Variants in CNTNAP2 observed in about 807,000 individuals in gnomAD.
CNTNAP2 encodes contactin associated protein 2, also known as contactin-associated protein-like 2.
CNTNAP2 carries 98 observed loss-of-function variants against 155.2 expected under a neutral mutation model. That is an observed-to-expected ratio of 0.63 (90% confidence interval 0.54 to 0.75). CNTNAP2 has a LOEUF of 0.75. CNTNAP2 is among the 30% of genes least tolerant of loss of function. The pLI is 0.00. For missense variants in CNTNAP2, 1,727 were observed against 1,688.1 expected (o/e 1.02, Z -0.40); for synonymous variants, 651 against 631.2 (o/e 1.03, Z -0.47).
chr7:146,557,687 C>A (rs908298565), intron 1 of CNTNAP2, among the ~76,000 whole-genome samples: 3 of 151,192 alleles, frequency 2.0e-5, no homozygotes, highest in Admixed American at 1.3e-4. Flanking sequence ...TTGCCAGTAC[C>A]CAGTGCTTCT....
intron 3 of CNTNAP2, among the ~76,000 whole-genome samples, chr7:146,892,631 C>T (rs1795803504): frequency 6.6e-6 from 1 of 152,154 alleles, no homozygotes. Flanking sequence ...TATATCTTAG[C>T]TGGGCGTGGT....
chr7:146,304,558 G>C (rs112135949), intron 1 of CNTNAP2, among the ~76,000 whole-genome samples: 12,991 of 151,986 alleles, frequency 0.085, 1,570 homozygotes, highest in African/African-American at 0.27. Context: ...TGAAATTCTG[G>C]GTTGGAAACT....
intron 1 of CNTNAP2, among the ~76,000 whole-genome samples, chr7:146,526,162 C>T (rs1169507903): frequency 6.6e-6 from 1 of 152,050 alleles, no homozygotes; most frequent in Non-Finnish European, 1.5e-5. Flanking sequence ...AGAAAACTAT[C>T]GCTAAAATTT....
intron 1 of CNTNAP2, among the ~76,000 whole-genome samples, chr7:146,691,208 A>G (rs6959062): frequency 0.049 from 7,430 of 152,150 alleles, 332 homozygotes; most frequent in East Asian, 0.11. Flanking sequence ...CATAATGATA[A>G]ATATAAAGCC....
At chr7:146,668,406 G>A (rs1352833952) in intron 1 of CNTNAP2, among the ~76,000 whole-genome samples, 6 of 150,438 alleles carry the variant, frequency 4.0e-5, no homozygotes, top group Non-Finnish European at 7.4e-5. Context: ...GTATTTGTCA[G>A]AGGTATTGGC....
chr7:147,310,288 AT>A (rs1392718973), intron 9 of CNTNAP2, among the ~76,000 whole-genome samples: 9 of 152,284 alleles, frequency 5.9e-5, no homozygotes, highest in African/African-American at 2.2e-4. Context: ...TCAAAGAAAA[AT>A]ATCATAAAAT....
At chr7:146,911,712 C>G (rs1352257007) in intron 3 of CNTNAP2, among the ~76,000 whole-genome samples, 6 of 151,566 alleles carry the variant, frequency 4.0e-5, no homozygotes, top group African/African-American at 1.5e-4. Context: ...GGCTAGATGA[C>G]AAGTTAGTGG....
In CNTNAP2 at chr7:146,733,495, T is replaced by A. The variant is rs997259274; in HGVS notation, c.98-40776T>A. On this transcript the variant is annotated intron_variant, in intron 1 of 23. Transcript: ENST00000361727. ...AAATTTTAAACCATGTTTTAAAAAA[T>A]CTAACTTTAGATTTTGAAATAACTC... Among the ~76,000 whole-genome samples, 43 of 152,134 alleles carry A rather than the reference T, an allele frequency of 2.8e-4. 1 individual carries two copies. Among genetic ancestry groups the A allele is most frequent in the Non-Finnish European group, 1.0e-4 (7 of 67,988 alleles).
At chr7:146,391,016 G>A (rs1044391400) in intron 1 of CNTNAP2, among the ~76,000 whole-genome samples, 2 of 134,446 alleles carry the variant, frequency 1.5e-5, no homozygotes, top group Admixed American at 8.1e-5. Flanking sequence ...ACAGTGAGCC[G>A]AGATCGCGCC....
At chr7:147,186,557 T>C (rs1802571366) in intron 8 of CNTNAP2, among the ~76,000 whole-genome samples, 1 of 152,230 alleles carries the variant, frequency 6.6e-6, no homozygotes, top group African/African-American at 2.4e-5. Flanking sequence ...GGACCCTTTA[T>C]AGAGGGAAGA....
In CNTNAP2 at chr7:147,522,792, A is replaced by C. The variant is rs1006694429; in HGVS notation, c.1777+36751A>C. Among the ~76,000 whole-genome samples the C allele has an allele frequency of 6.1e-4, 93 of 151,856 alleles. 1 individual carries two copies. Among genetic ancestry groups the C allele is most frequent in the African/African-American group, 2.0e-3 (82 of 41,522 alleles). On this transcript the variant is annotated intron_variant, in intron 11 of 23. Coordinates refer to ENST00000361727, the MANE Select transcript of CNTNAP2 (RefSeq NM_014141.6). Reference sequence around the variant, plus strand: ...GCAAAAAAAAAACAAAAAAACAAAAAAAAAAAAACCTACTAAAAAATAATA... The same window carrying C: ...GCAAAAAAAAAACAAAAAAACAAAACAAAAAAAACCTACTAAAAAATAATA...
intron 2 of CNTNAP2, among the ~76,000 whole-genome samples, chr7:146,830,307 TG>T (rs748966706): frequency 1.3e-5 from 2 of 151,930 alleles, no homozygotes; most frequent in Non-Finnish European, 2.9e-5. Flanking sequence ...CAATTTATTG[TG>T]GGGGAAAAGG....
At chr7:146,959,270 G>A (rs1049540333) in intron 3 of CNTNAP2, among the ~76,000 whole-genome samples, 1 of 151,928 alleles carries the variant, frequency 6.6e-6, no homozygotes, top group African/African-American at 2.4e-5. Context: ...TGTCCGCCTC[G>A]GCCTCCCAAA....
chr7:147,530,242 G>A (rs1455050766), intron 11 of CNTNAP2, among the ~76,000 whole-genome samples: 1 of 149,510 alleles, frequency 6.7e-6, no homozygotes, highest in African/African-American at 2.5e-5. Context: ...CTGGAGTGCA[G>A]TGGCACGATC....
At chr7:147,852,208 G>A (rs940174806) in intron 13 of CNTNAP2, among the ~76,000 whole-genome samples, 1 of 152,142 alleles carries the variant, frequency 6.6e-6, no homozygotes, top group Non-Finnish European at 1.5e-5. Flanking sequence ...CATCAAAGAA[G>A]ATCTCGCCGC....
At chr7:147,975,571 C>T (rs1563154607) in intron 14 of CNTNAP2, among the ~76,000 whole-genome samples, 2 of 152,084 alleles carry the variant, frequency 1.3e-5, no homozygotes, top group African/African-American at 2.4e-5. Flanking sequence ...AGCAGAGCAC[C>T]TTCTCTTCCT....
At chr7:147,738,789 G>T (rs1034821254) in intron 13 of CNTNAP2, among the ~76,000 whole-genome samples, 11 of 151,580 alleles carry the variant, frequency 7.3e-5, no homozygotes, top group Non-Finnish European at 1.0e-4. Flanking sequence ...TGAGTAGCTG[G>T]GATTACAGGC....
At chr7:147,316,509 T>C (rs2620449) in intron 9 of CNTNAP2, among the ~76,000 whole-genome samples, 74,633 of 151,946 alleles carry the variant, frequency 0.49, 19,493 homozygotes, top group East Asian at 0.73. Context: ...GTTTATAATG[T>C]GTGTTTATTA....
At chr7:148,261,718 G>A (rs1796565694) in intron 20 of CNTNAP2, among the ~76,000 whole-genome samples, 1 of 152,176 alleles carries the variant, frequency 6.6e-6, no homozygotes, top group South Asian at 2.1e-4. Flanking sequence ...GGGGCTACCA[G>A]GGCGGTTCAG....
Sources: gnomAD v4.1 joint callset for allele counts (sites outside exome capture counted in the v4.1 genomes callset) on GRCh38, gnomAD v4.1.1 for gene constraint, MANE v1.5 for transcripts, NCBI Gene and HGNC (gene_info 2026-07-23, HGNC 2026-07-21) for gene names.